ST8SIA1: variants seen among roughly 807,000 people sequenced by gnomAD.
The protein encoded by ST8SIA1 is ST8 alpha-N-acetyl-neuraminide alpha-2,8-sialyltransferase 1.
ST8SIA1 carries 16 observed loss-of-function variants against 35.9 expected under a neutral mutation model. That is an observed-to-expected ratio of 0.45 (90% confidence interval 0.30 to 0.68). The LOEUF is 0.68. Ranked by LOEUF, ST8SIA1 falls within the 30% of genes least tolerant of loss-of-function variation. The pLI, the probability that ST8SIA1 is intolerant of heterozygous loss-of-function variation, is 0.09. For missense variants in ST8SIA1, 383 were observed against 453.6 expected, an observed-to-expected ratio of 0.84 and a Z score of 1.41; for synonymous variants, 170 against 169.6, an observed-to-expected ratio of 1.00 and a Z score of -0.02.
intron 2 of ST8SIA1, among the ~76,000 whole-genome samples, chr12:22,267,800 G>C (rs1019932101): frequency 1.5e-4 from 23 of 151,624 alleles, no homozygotes; most frequent in African/African-American, 5.6e-4. Context: ...GGAATCTGAA[G>C]TTGCCCTACA....
At chr12:22,242,911 G>C (rs981777698) in intron 4 of ST8SIA1, among the ~76,000 whole-genome samples, 1 of 152,126 alleles carries the variant, frequency 6.6e-6, no homozygotes, top group African/African-American at 2.4e-5. Flanking sequence ...TATGTCTCAG[G>C]CACCCTAACT....
At chr12:22,332,803 C>T (rs1383692663) in intron 1 of ST8SIA1, among the ~76,000 whole-genome samples, 2 of 152,158 alleles carry the variant, frequency 1.3e-5, no homozygotes, top group African/African-American at 4.8e-5. Flanking sequence ...ATAGATGCTC[C>T]TGAATATTTG....
At chr12:22,291,044 C>T (rs914713515) in intron 1 of ST8SIA1, among the ~76,000 whole-genome samples, 3 of 152,084 alleles carry the variant, frequency 2.0e-5, no homozygotes, top group Non-Finnish European at 4.4e-5. Context: ...ACGCTATAAC[C>T]GCAACATAAA....
At chr12:22,244,359 C>G (rs779667233) in intron 4 of ST8SIA1, among the ~76,000 whole-genome samples, 12 of 152,160 alleles carry the variant, frequency 7.9e-5, no homozygotes, top group Non-Finnish European at 1.6e-4. Flanking sequence ...CACACCTGAA[C>G]CAATACTCTT....
intron 1 of ST8SIA1, among the ~76,000 whole-genome samples, chr12:22,292,597 C>A (rs1283650842): frequency 1.3e-5 from 2 of 152,120 alleles, no homozygotes; most frequent in African/African-American, 2.4e-5. Flanking sequence ...ATGTCCTTTG[C>A]AACATGGATG....
intron 2 of ST8SIA1, among the ~76,000 whole-genome samples, chr12:22,280,751 A>C (rs1866023239): frequency 6.6e-6 from 1 of 152,174 alleles, no homozygotes; most frequent in South Asian, 2.1e-4. Flanking sequence ...CTTCTAATCG[A>C]TTGTTTTCCT....
In ST8SIA1 at chr12:22,197,843, A is replaced by G. The variant is rs1805783332; in HGVS notation, c.*3709T>C. ...GATCATTTACTTCCTACCCTTGTGA[A>G]GACAGATAAAAGTGAACTATACAGA... On this transcript the variant is annotated 3_prime_UTR_variant, in exon 5 of 5. Transcript: ENST00000396037. 1 of 152,192 alleles carries G rather than the reference A, an allele frequency of 6.6e-6. No individual in the cohort carries two copies. Among genetic ancestry groups the G allele is most frequent in the Admixed American group, 6.5e-5 (1 of 15,276 alleles). The allele number at this position is 152,192 out of a possible 1,614,324, so 9.4% of individuals were successfully genotyped here.
At chr12:22,311,287 G>A (rs1866446494) in intron 1 of ST8SIA1, among the ~76,000 whole-genome samples, 1 of 152,150 alleles carries the variant, frequency 6.6e-6, no homozygotes, top group South Asian at 2.1e-4. Context: ...GTACTTGGAA[G>A]AGGACACACA....
At chr12:22,282,280 C>T (rs1866046113) in intron 2 of ST8SIA1, among the ~76,000 whole-genome samples, 1 of 152,206 alleles carries the variant, frequency 6.6e-6, no homozygotes. Context: ...TCAGTCTTAG[C>T]TTCATCCATG....
intron 1 of ST8SIA1, among the ~76,000 whole-genome samples, chr12:22,332,081 T>C (rs935836655): frequency 2.0e-5 from 3 of 152,214 alleles, no homozygotes; most frequent in African/African-American, 7.2e-5. Flanking sequence ...ATACTCAGTG[T>C]AGAAATTCAG....
chr12:22,200,774 C>T lies in ST8SIA1; in HGVS notation c.*778G>A, dbSNP rs899914297. On this transcript the variant is annotated 3_prime_UTR_variant, in exon 5 of 5. Transcript: ENST00000396037. ...TTGCACTAAAATAAAAATGACAATG[C>T]AAACAGGCTTACATAATGCAGACCT... 7 of 152,130 alleles carry T rather than the reference C, an allele frequency of 4.6e-5. No individual in the cohort carries two copies. The highest frequency in any genetic ancestry group is 2.6e-4 in the Admixed American group (4 of 15,260). 9.4% of individuals were successfully genotyped at this position (152,130 alleles called of 1,614,324 possible).
intron 2 of ST8SIA1, among the ~76,000 whole-genome samples, chr12:22,285,018 C>T (rs1304757087): frequency 6.6e-6 from 1 of 152,180 alleles, no homozygotes; most frequent in Non-Finnish European, 1.5e-5. Context: ...TTCCTCATGC[C>T]ACAACTAGTT....
chr12:22,314,531 G>C (rs1434894579), intron 1 of ST8SIA1, among the ~76,000 whole-genome samples: 1 of 152,050 alleles, frequency 6.6e-6, no homozygotes, highest in East Asian at 1.9e-4. Context: ...GGAATAACTG[G>C]CTCAATTAGC....
chr12:22,325,712 A>C (rs890973280), intron 1 of ST8SIA1: 1 of 615,860 alleles, frequency 1.6e-6, no homozygotes, highest in Admixed American at 2.8e-5. Context: ...ATACATGCCT[A>C]TGATAAAATT....
intron 4 of ST8SIA1, among the ~76,000 whole-genome samples, chr12:22,237,850 T>G (rs1270045725): frequency 1.3e-5 from 2 of 152,190 alleles, no homozygotes; most frequent in East Asian, 3.8e-4. Flanking sequence ...GTTCGTTAAT[T>G]GTGGTAGACT....
At chr12:22,286,413 T>A (rs1437462251) in intron 2 of ST8SIA1, 2 of 517,386 alleles carry the variant, frequency 3.9e-6, no homozygotes, top group Non-Finnish European at 3.9e-6. Flanking sequence ...TGTACAATCA[T>A]CTGAGCAAAC....
intron 4 of ST8SIA1, among the ~76,000 whole-genome samples, chr12:22,237,693 C>T (rs1262759897): frequency 6.6e-6 from 1 of 151,194 alleles, no homozygotes; most frequent in African/African-American, 2.4e-5. Context: ...TTGGAGATAC[C>T]ATTTTATTCT....
At chr12:22,260,886 T>TG (rs1160086689) in intron 2 of ST8SIA1, among the ~76,000 whole-genome samples, 1 of 147,934 alleles carries the variant, frequency 6.8e-6, no homozygotes, top group Non-Finnish European at 1.5e-5. Flanking sequence ...TTTTTTTTTT[T>TG]TTTTTTTTGA....
chr12:22,244,185 C>T (rs1026550258), intron 4 of ST8SIA1, among the ~76,000 whole-genome samples: 5 of 152,160 alleles, frequency 3.3e-5, no homozygotes, highest in Non-Finnish European at 7.3e-5. Context: ...AGTCCTCCAT[C>T]ACTTAGCATA....
Sources: allele counts gnomAD v4.1 joint callset (sites outside exome capture counted in the v4.1 genomes callset), GRCh38; gene constraint gnomAD v4.1.1; transcripts MANE v1.5; gene names NCBI Gene and HGNC (gene_info 2026-07-23, HGNC 2026-07-21).